Variants in ATM observed in about 807,000 individuals in gnomAD.
The protein encoded by ATM is ATM serine/threonine kinase, also known as serine-protein kinase ATM.
ATM carries 308 observed loss-of-function variants against 387.0 expected under a neutral mutation model. The ratio of observed to expected loss-of-function variants is 0.80; its 90% CI spans 0.73 to 0.87. The LOEUF (loss-of-function observed/expected upper bound fraction) is 0.87. ATM is among the 40% of genes least tolerant of loss of function. The probability of loss-of-function intolerance (pLI) is 0.00; values close to 1 mark genes in which losing one functional copy is unlikely to be tolerated. For synonymous variants in ATM, 1,156 were observed against 1,187.3 expected, an observed-to-expected ratio of 0.97 and a Z score of 0.54; for missense variants, 3,312 against 3,560.9, an observed-to-expected ratio of 0.93 and a Z score of 1.78.
rs766215530 is a variant in ATM, at chr11:108,272,835, T to C, written c.3267T>C (p.Ala1089=). Residue 1089 remains alanine (A), a synonymous_variant, in exon 22 of 63, where the codon GCT becomes GCC. Transcript: ENST00000675843. ...ADNHHQVRML[A]AESINRLFQD... ...ATCATCACCAAGTTCGCATGTTGGC[T>C]GCAGAGTCAATCAATAGGTAATGGG... The C allele has an allele frequency of 6.2e-7, 1 of 1,614,094 alleles. No individual in the cohort carries two copies. Among genetic ancestry groups the C allele is most frequent in the Non-Finnish European group, 8.5e-7 (1 of 1,180,004 alleles).
At position 108,329,154 on chromosome 11, in the gene ATM, C is replaced by T. The variant is rs730881315; in HGVS notation, c.7223C>T (p.Ser2408Leu). 14 of 1,613,960 alleles carry T rather than the reference C, an allele frequency of 8.7e-6. No homozygotes were observed. The highest frequency in any genetic ancestry group is 2.2e-5 in the East Asian group (1 of 44,830). ...YQRIENYMKS[S>L]EFENKQALLK... ...AGAATTGAAAACTACATGAAATCAT[C>T]GGAATTTGAAAACAAGCAAGCTCTC... Residue 2408 changes from serine (S) to leucine (L), a missense_variant, in exon 49 of 63, where the codon TCG (serine) becomes TTG (leucine). Physicochemically the swap from Ser to Leu is moderately radical, Grantham distance 145. Coordinates refer to ENST00000675843, the MANE Select transcript of ATM (RefSeq NM_000051.4).
chr11:108,257,376 T>C lies in ATM; in HGVS notation c.2251-105T>C. The C allele has an allele frequency of 2.2e-6, 3 of 1,377,424 alleles. No homozygotes were observed. The South Asian group carries it at 3.9e-5, about 18-fold the overall frequency. The allele number at this position is 1,377,424 out of a possible 1,614,324, so 85.3% of individuals were successfully genotyped here. A position where few individuals can be genotyped will look rare whatever the true frequency, so the allele number is the denominator to read the frequency against. On this transcript the variant is annotated intron_variant, in intron 14 of 62. Transcript: ENST00000675843. The stretch of plus-strand genomic sequence containing the variant: ...TTTCATTTTTTCTCTTAAGTGCACT[T>C]TATTTTTTATTTTATAGTATGTCCA...
At chr11:108,280,902 T>C in intron 23 of ATM, 93 bp from the exon 24 acceptor site, 3 of 1,185,460 alleles carry the variant, frequency 2.5e-6, no homozygotes, top group Non-Finnish European at 3.6e-6. Flanking sequence ...TGTGTATAGC[T>C]TGTCAAAAAA....
At chr11:108,339,654 A>T (rs1254855997) in intron 56 of ATM, among the ~76,000 whole-genome samples, 2 of 152,128 alleles carry the variant, frequency 1.3e-5, no homozygotes, top group Non-Finnish European at 2.9e-5. Context: ...CCAACATCAC[A>T]GTTGAGACTC....
intron 16 of ATM, among the ~76,000 whole-genome samples, chr11:108,265,841 C>T (rs1470884960): frequency 1.6e-5 from 2 of 124,332 alleles, no homozygotes; most frequent in Non-Finnish European, 3.4e-5. Flanking sequence ...ACAGACACTT[C>T]TCAAAAGAAG....
intron 29 of ATM, among the ~76,000 whole-genome samples, chr11:108,291,272 T>A (rs2082781601): frequency 6.6e-6 from 1 of 152,096 alleles, no homozygotes; most frequent in Admixed American, 6.6e-5. Context: ...AAACAAGAAT[T>A]GGGGTTGTTC....
intron 27 of ATM, among the ~76,000 whole-genome samples, chr11:108,288,505 T>A (rs2082615404): frequency 6.6e-6 from 1 of 150,892 alleles, no homozygotes; most frequent in Admixed American, 6.6e-5. Flanking sequence ...GCTTTACTTT[T>A]TTTTTTTTTT....
rs587782178 is a variant in ATM, at chr11:108,235,699, T to C, written c.361T>C (p.Leu121=). ...ACCTAGGCTAAAATGTCAAGAACTC[T>C]TAAATTATATCATGGATACAGTGAA... The part of the protein sequence containing the change: ...RAPRLKCQEL[L]NYIMDTVKDS... Residue 121 remains leucine (L), a synonymous_variant, in exon 5 of 63, where the codon TTA becomes CTA. Coordinates refer to ENST00000675843, the MANE Select transcript of ATM (RefSeq NM_000051.4). 1 of 1,612,076 alleles carries C rather than the reference T, an allele frequency of 6.2e-7. No individual in the cohort carries two copies. The highest frequency in any genetic ancestry group is 8.5e-7 in the Non-Finnish European group (1 of 1,178,372).
chr11:108,301,855 T>C (rs2135917769), intron 35 of ATM, 66 bp downstream of exon 35: 2 of 1,547,038 alleles, frequency 1.3e-6, no homozygotes, highest in South Asian at 1.1e-5. Context: ...TTGCTGTGGG[T>C]CATGACTGTT....
chr11:108,343,802 AAC>A (rs762433401), intron 57 of ATM, among the ~76,000 whole-genome samples: 5 of 152,104 alleles, frequency 3.3e-5, no homozygotes, highest in Admixed American at 2.0e-4. Flanking sequence ...CACAGTAAAC[AAC>A]AACAACAACA....
intron 45 of ATM, among the ~76,000 whole-genome samples, chr11:108,324,918 C>G (rs1056645415): frequency 7.9e-5 from 12 of 152,138 alleles, no homozygotes; most frequent in Non-Finnish European, 7.4e-5. Context: ...CCCTCATTTC[C>G]TTGCTGACAT....
At chr11:108,241,847 A>G (rs2079580072) in intron 5 of ATM, among the ~76,000 whole-genome samples, 1 of 147,956 alleles carries the variant, frequency 6.8e-6, no homozygotes, top group Non-Finnish European at 1.5e-5. Context: ...TCCTGAGCTC[A>G]AATGATCCTC....
intron 51 of ATM, 139 bp downstream of exon 51, chr11:108,331,696 G>A (rs2086254394): frequency 2.3e-6 from 3 of 1,330,756 alleles, no homozygotes; most frequent in East Asian, 2.5e-5. Flanking sequence ...CATCACATAA[G>A]TTACTCATTT....
chr11:108,247,883 C>T (rs1217624252), intron 8 of ATM, among the ~76,000 whole-genome samples: 1 of 152,140 alleles, frequency 6.6e-6, no homozygotes, highest in Non-Finnish European at 1.5e-5. Context: ...CGTGAGCCAC[C>T]GTGCCCAGCC....
rs575112134 is a variant in ATM, at chr11:108,258,027, G to A, written c.2376+421G>A. ...TTCTCCCACCTCAGCCTCCTTAGTAGCTGGGACTACAAGTGTACACCACCA... is the reference window on the plus strand; with the variant it reads ...TTCTCCCACCTCAGCCTCCTTAGTAACTGGGACTACAAGTGTACACCACCA... On this transcript the variant is annotated intron_variant, in intron 15 of 62. Coordinates refer to ENST00000675843, the MANE Select transcript of ATM (RefSeq NM_000051.4). 2.0e-5 allele frequency among the ~76,000 whole-genome samples: 3 copies of A among 152,120 alleles called. No individual in the cohort carries two copies. In the East Asian group the frequency reaches 5.8e-4, roughly 29 times the overall value.
At chr11:108,241,009 CT>C (rs1343201484) in intron 5 of ATM, among the ~76,000 whole-genome samples, 32 of 151,802 alleles carry the variant, frequency 2.1e-4, no homozygotes, top group African/African-American at 7.5e-4. Flanking sequence ...GATGTTTTTT[CT>C]TTTGTTCTAT....
At chr11:108,316,329 C>T (rs1294490460) in intron 42 of ATM, among the ~76,000 whole-genome samples, 1 of 152,156 alleles carries the variant, frequency 6.6e-6, no homozygotes, top group African/African-American at 2.4e-5. Flanking sequence ...GAAAGTCAGA[C>T]AGGTCATTGA....
intron 36 of ATM, 116 bp from the exon 37 acceptor site, chr11:108,304,559 A>G: frequency 9.4e-7 from 1 of 1,058,774 alleles, no homozygotes; most frequent in Non-Finnish European, 1.4e-6. Context: ...TGGCAGATTA[A>G]TCTATCATCT....
At chr11:108,353,445 C>A (rs2089445775) in intron 59 of ATM, among the ~76,000 whole-genome samples, 1 of 152,106 alleles carries the variant, frequency 6.6e-6, no homozygotes. Flanking sequence ...CCACACCCAG[C>A]CTAAAAATTT....
Sources: gnomAD v4.1 joint callset for allele counts (sites outside exome capture counted in the v4.1 genomes callset) on GRCh38, gnomAD v4.1.1 for gene constraint, MANE v1.5 for transcripts, NCBI Gene and HGNC (gene_info 2026-07-23, HGNC 2026-07-21) for gene names.